Variants in EPHB1 observed in about 807,000 individuals in gnomAD.
EPHB1 encodes the protein EPH receptor B1, also known as ephrin type-B receptor 1.
Under a neutral mutation model 94.4 loss-of-function variants are expected in EPHB1, and 30 were observed. The observed-to-expected ratio is 0.32, with a 90% CI of 0.24 to 0.43. The LOEUF (loss-of-function observed/expected upper bound fraction) is 0.43, where lower values mean the gene tolerates loss of function less well. Ranked by LOEUF, EPHB1 falls within the 20% of genes least tolerant of loss-of-function variation. The pLI, the probability that EPHB1 is intolerant of heterozygous loss-of-function variation, is 1.00. For synonymous variants in EPHB1, 522 were observed against 489.1 expected, an observed-to-expected ratio of 1.07 and a Z score of -0.89; for missense variants, 1,055 against 1,308.3, an observed-to-expected ratio of 0.81 and a Z score of 2.99.
At chr3:134,988,490 A>C (rs1395944355) in intron 3 of EPHB1, among the ~76,000 whole-genome samples, 1 of 152,170 alleles carries the variant, frequency 6.6e-6, no homozygotes, top group Non-Finnish European at 1.5e-5. Context: ...GTTGGGTTCT[A>C]TAAATTGTGT....
chr3:135,003,660 A>G (rs1478835038), intron 3 of EPHB1, among the ~76,000 whole-genome samples: 1 of 152,192 alleles, frequency 6.6e-6, no homozygotes, highest in Non-Finnish European at 1.5e-5. Context: ...GGGTGCATAC[A>G]TATTTAGGAT....
chr3:135,131,536 T>C (rs1940417743), intron 4 of EPHB1, among the ~76,000 whole-genome samples: 1 of 152,142 alleles, frequency 6.6e-6, no homozygotes, highest in African/African-American at 2.4e-5. Context: ...GCAGGATTCA[T>C]TTTTATCAGT....
chr3:134,859,895 A>T (rs938050642), intron 1 of EPHB1, among the ~76,000 whole-genome samples: 1 of 151,984 alleles, frequency 6.6e-6, no homozygotes. Context: ...TTTGTTGTTA[A>T]TCTTTTCTTT....
intron 3 of EPHB1, among the ~76,000 whole-genome samples, chr3:135,030,750 A>T (rs372321179): frequency 2.6e-5 from 4 of 152,330 alleles, no homozygotes; most frequent in East Asian, 3.9e-4. Flanking sequence ...GGTGGGCTCC[A>T]CCCAGTTCAA....
intron 12 of EPHB1, among the ~76,000 whole-genome samples, chr3:135,206,376 AT>A (rs1942901145): frequency 6.6e-6 from 1 of 152,134 alleles, no homozygotes; most frequent in Non-Finnish European, 1.5e-5. Flanking sequence ...TATATTATTC[AT>A]TTTTTATTGA....
intron 3 of EPHB1, among the ~76,000 whole-genome samples, chr3:135,041,634 C>T (rs1328603932): frequency 6.6e-6 from 1 of 152,098 alleles, no homozygotes; most frequent in Non-Finnish European, 1.5e-5. Context: ...ATATAGGATG[C>T]CAAGTTAGAT....
At chr3:135,073,493 G>T (rs955731078) in intron 3 of EPHB1, among the ~76,000 whole-genome samples, 6 of 152,126 alleles carry the variant, frequency 3.9e-5, no homozygotes, top group South Asian at 2.1e-4. Flanking sequence ...GCAAATTCAA[G>T]ACATCCTATC....
intron 2 of EPHB1, among the ~76,000 whole-genome samples, chr3:134,943,468 G>A (rs975570979): frequency 6.6e-6 from 1 of 152,208 alleles, no homozygotes; most frequent in East Asian, 1.9e-4. Context: ...GCCAGATGGG[G>A]GGATATGGAT....
chr3:134,886,028 A>T (rs2037855636), intron 1 of EPHB1, among the ~76,000 whole-genome samples: 1 of 152,206 alleles, frequency 6.6e-6, no homozygotes, highest in Non-Finnish European at 1.5e-5. Flanking sequence ...TTGGTTAATT[A>T]AAAACAAAAA....
chr3:134,844,981 G>C (rs947981171), intron 1 of EPHB1, among the ~76,000 whole-genome samples: 1 of 152,144 alleles, frequency 6.6e-6, no homozygotes, highest in Non-Finnish European at 1.5e-5. Flanking sequence ...ATCCACTTCA[G>C]ATTTGTCTGT....
chr3:134,898,882 C>T (rs1264394925), intron 1 of EPHB1, among the ~76,000 whole-genome samples: 1 of 152,058 alleles, frequency 6.6e-6, no homozygotes. Context: ...TGCTGTGGAC[C>T]AGCCTGGAGC....
At chr3:134,930,737 G>A (rs1229335715) in intron 2 of EPHB1, among the ~76,000 whole-genome samples, 1 of 152,146 alleles carries the variant, frequency 6.6e-6, no homozygotes, top group Non-Finnish European at 1.5e-5. Flanking sequence ...CCTTCTTCCC[G>A]ACACTCTGTC....
intron 4 of EPHB1, among the ~76,000 whole-genome samples, chr3:135,113,465 T>A (rs573529311): frequency 6.6e-6 from 1 of 152,350 alleles, no homozygotes; most frequent in South Asian, 2.1e-4. Context: ...TTGTTGACAC[T>A]CTGAGCACTG....
chr3:135,165,019 A>G (rs756969086), intron 7 of EPHB1, among the ~76,000 whole-genome samples: 1 of 152,190 alleles, frequency 6.6e-6, no homozygotes, highest in South Asian at 2.1e-4. Context: ...CGTATTTGCT[A>G]TAGCTGGCAA....
chr3:135,199,788 ATTG>A (rs1942709765), intron 11 of EPHB1, among the ~76,000 whole-genome samples: 1 of 152,084 alleles, frequency 6.6e-6, no homozygotes, highest in South Asian at 2.1e-4. Context: ...AGACTTTTTG[ATTG>A]TTGTTGTTGT....
chr3:134,796,748 G>A (rs1410976211), intron 1 of EPHB1, among the ~76,000 whole-genome samples: 1 of 152,274 alleles, frequency 6.6e-6, no homozygotes, highest in Non-Finnish European at 1.5e-5. Flanking sequence ...AACTCTAGGG[G>A]TGATGCGCTG....
At chr3:135,081,520 C>CAAGTAG (rs1312243414) in intron 3 of EPHB1, among the ~76,000 whole-genome samples, 1 of 152,154 alleles carries the variant, frequency 6.6e-6, no homozygotes, top group Non-Finnish European at 1.5e-5. Flanking sequence ...AGTGCTGAGG[C>CAAGTAG]AAGTAGTACA....
At chr3:134,936,138 G>A (rs2038996463) in intron 2 of EPHB1, among the ~76,000 whole-genome samples, 2 of 152,180 alleles carry the variant, frequency 1.3e-5, no homozygotes, top group Admixed American at 1.3e-4. Flanking sequence ...GAATGGAGCT[G>A]GGGTGGGGAG....
At chr3:134,852,381 G>T (rs1475327711) in intron 1 of EPHB1, 1 of 68,394 alleles carries the variant, frequency 1.5e-5, no homozygotes, top group Non-Finnish European at 3.5e-5. Context: ...AACATATGGG[G>T]CTGCAGGAGA....
Sources: allele counts gnomAD v4.1 joint callset (sites outside exome capture counted in the v4.1 genomes callset), GRCh38; gene constraint gnomAD v4.1.1; transcripts MANE v1.5; gene names NCBI Gene and HGNC (gene_info 2026-07-23, HGNC 2026-07-21).